Variants in TEX36 observed in about 807,000 individuals in gnomAD.
The protein encoded by TEX36 is testis expressed 36, also known as testis-expressed protein 36.
In TEX36, 12 loss-of-function variants were observed where a neutral mutation model predicts 13.6. The ratio of observed to expected loss-of-function variants is 0.88; its 90% CI spans 0.56 to 1.43. The LOEUF (loss-of-function observed/expected upper bound fraction) is 1.43, where lower values mean the gene tolerates loss of function less well. TEX36 is among the 40% of genes most tolerant of loss of function. TEX36 has a pLI of 0.00. For synonymous variants in TEX36, 93 were observed against 83.0 expected (o/e 1.12, Z -0.65); for missense variants, 224 against 228.3 (o/e 0.98, Z 0.12).
At chr10:125,641,342 C>G (rs1194927653) in intron 3 of TEX36, among the ~76,000 whole-genome samples, 2 of 152,232 alleles carry the variant, frequency 1.3e-5, no homozygotes, top group African/African-American at 4.8e-5. Flanking sequence ...TAAAAAGAGG[C>G]AGGCATTTAA....
intron 1 of TEX36, among the ~76,000 whole-genome samples, chr10:125,680,243 C>T (rs1248614271): frequency 1.3e-5 from 2 of 152,132 alleles, no homozygotes; most frequent in Non-Finnish European, 2.9e-5. Context: ...TGTGGAAAAT[C>T]AGGCTGGGGG....
chr10:125,650,068 G>C (rs945262276), intron 3 of TEX36, among the ~76,000 whole-genome samples: 8 of 152,200 alleles, frequency 5.3e-5, no homozygotes, highest in Non-Finnish European at 2.9e-5. Context: ...ACACCCCACT[G>C]TCAACATTAG....
chr10:125,590,968 AT>A (rs1246015039), intron 3 of TEX36, among the ~76,000 whole-genome samples: 3 of 152,150 alleles, frequency 2.0e-5, no homozygotes, highest in South Asian at 2.1e-4. Flanking sequence ...CGTGGGATAT[AT>A]TTTTTTCCCC....
chr10:125,591,292 T>C (rs1476722162), intron 3 of TEX36, among the ~76,000 whole-genome samples: 1 of 152,226 alleles, frequency 6.6e-6, no homozygotes, highest in Non-Finnish European at 1.5e-5. Context: ...GACTCTCCTC[T>C]CAACTATCAA....
chr10:125,647,012 G>A (rs908801414), intron 3 of TEX36, among the ~76,000 whole-genome samples: 1 of 152,160 alleles, frequency 6.6e-6, no homozygotes, highest in African/African-American at 2.4e-5. Flanking sequence ...ATGACTGCAA[G>A]TAAGATAATT....
chr10:125,658,745 G>A (rs186275219), intron 3 of TEX36, among the ~76,000 whole-genome samples: 218 of 151,922 alleles, frequency 1.4e-3, no homozygotes, highest in Middle Eastern at 3.4e-3. Flanking sequence ...TAACCATATA[G>A]ATAATTCAAA....
intron 3 of TEX36, among the ~76,000 whole-genome samples, chr10:125,625,811 C>A (rs1846481272): frequency 6.6e-6 from 1 of 152,248 alleles, no homozygotes; most frequent in Non-Finnish European, 1.5e-5. Flanking sequence ...CAAATACTTT[C>A]TGTGTATCTA....
At chr10:125,579,739 C>T (rs922602735) in intron 3 of TEX36, among the ~76,000 whole-genome samples, 2 of 152,036 alleles carry the variant, frequency 1.3e-5, no homozygotes, top group Non-Finnish European at 2.9e-5. Context: ...AAGTGTGTGG[C>T]GCCTTCCCTT....
intron 3 of TEX36, among the ~76,000 whole-genome samples, chr10:125,638,453 G>A (rs1294388635): frequency 1.3e-5 from 2 of 152,108 alleles, no homozygotes; most frequent in Admixed American, 1.3e-4. Context: ...AGCTGGAGAG[G>A]GAAAAGAAAT....
intron 3 of TEX36, among the ~76,000 whole-genome samples, chr10:125,590,915 A>G (rs1846014382): frequency 6.6e-6 from 1 of 152,224 alleles, no homozygotes; most frequent in Non-Finnish European, 1.5e-5. Flanking sequence ...TCTGTTGCAC[A>G]GTTTAAATGT....
downstream of TEX36, among the ~76,000 whole-genome samples, chr10:125,654,764 A>T (rs955660248): frequency 5.3e-5 from 8 of 152,210 alleles, no homozygotes; most frequent in African/African-American, 1.9e-4. Flanking sequence ...ATCCTTAAAT[A>T]TTTAAATGAT....
At chr10:125,669,343 G>T (rs1847182339) in intron 1 of TEX36, among the ~76,000 whole-genome samples, 2 of 151,880 alleles carry the variant, frequency 1.3e-5, no homozygotes, top group South Asian at 4.2e-4. Flanking sequence ...AGCTGGGCAT[G>T]GTGGCAGGCA....
intron 3 of TEX36, among the ~76,000 whole-genome samples, chr10:125,658,553 C>A (rs1846982370): frequency 1.3e-5 from 2 of 151,982 alleles, no homozygotes; most frequent in South Asian, 2.1e-4. Context: ...AACTTTGTAA[C>A]CAACAGGGGG....
intron 1 of TEX36, chr10:125,667,478 G>A: frequency 1.4e-6 from 1 of 721,520 alleles, no homozygotes; most frequent in Non-Finnish European, 2.6e-6. Context: ...GGCTGAGGGG[G>A]TGTGTTCCCC....
Position 125,655,997 on chromosome 10 carries a change from G to A in TEX36, c.464C>T (p.Thr155Ile). Residue 155 changes from threonine (T) to isoleucine (I), a missense_variant, in exon 4 of 4, where the codon ACA becomes ATA. By Grantham distance (89) the Thr-to-Ile change is moderately conservative (BLOSUM62 -1). Transcript: ENST00000368821. ...RCYKEIWNAF[T>I]FLPERSYTEV... ...TGTATAGCTTCTCTCAGGAAGAAAT[G>A]TAAAAGCGTTCCATATCTCTTTATA... 6.4e-7 allele frequency: 1 copy of A among 1,551,822 alleles called. No homozygotes were observed. Among genetic ancestry groups the A allele is most frequent in the Non-Finnish European group, 8.7e-7 (1 of 1,146,996 alleles).
At chr10:125,671,774 G>A (rs1847235114) in intron 1 of TEX36, among the ~76,000 whole-genome samples, 1 of 152,112 alleles carries the variant, frequency 6.6e-6, no homozygotes, top group Non-Finnish European at 1.5e-5. Context: ...GCTTTGTTTG[G>A]TTGGTAGGCT....
chr10:125,658,022 A>G (rs1846974826), intron 3 of TEX36, among the ~76,000 whole-genome samples: 1 of 152,194 alleles, frequency 6.6e-6, no homozygotes, highest in Non-Finnish European at 1.5e-5. Flanking sequence ...AAAGAAAAAT[A>G]TAAGCATAAT....
intron 3 of TEX36, among the ~76,000 whole-genome samples, chr10:125,594,427 C>G (rs1478083546): frequency 6.6e-6 from 1 of 152,136 alleles, no homozygotes; most frequent in Non-Finnish European, 1.5e-5. Context: ...AAAGTGTATG[C>G]TTGAGCTCTC....
At chr10:125,618,079 C>T (rs1382829422), downstream of TEX36, among the ~76,000 whole-genome samples, 15 of 146,610 alleles carry the variant, frequency 1.0e-4, no homozygotes, top group South Asian at 8.7e-4. Flanking sequence ...TTGATCGCAT[C>T]GGCTCCTGAG....
Sources: allele counts gnomAD v4.1 joint callset (sites outside exome capture counted in the v4.1 genomes callset), GRCh38; gene constraint gnomAD v4.1.1; transcripts MANE v1.5; gene names NCBI Gene and HGNC (gene_info 2026-07-23, HGNC 2026-07-21).